NUBP1: variants seen among roughly 807,000 people sequenced by gnomAD.
NUBP1 encodes NUBP iron-sulfur cluster assembly factor 1, cytosolic.
A neutral mutation model predicts 41.8 loss-of-function variants in NUBP1; 46 were observed. That is an observed-to-expected ratio of 1.10 (90% CI 0.87 to 1.41). The LOEUF (loss-of-function observed/expected upper bound fraction) is 1.41. NUBP1 is among the 40% of genes most tolerant of loss of function. The probability of loss-of-function intolerance (pLI) is 0.00; values close to 1 mark genes in which losing one functional copy is unlikely to be tolerated. For synonymous variants in NUBP1, 189 were observed against 154.6 expected, an observed-to-expected ratio of 1.22 and a Z score of -1.65; for missense variants, 494 against 414.0, an observed-to-expected ratio of 1.19 and a Z score of -1.68.
Position 10,768,555 on chromosome 16 carries a change from C to A in NUBP1, c.905-492C>A. On this transcript the variant is annotated intron_variant, in intron 10 of 10. Coordinates refer to ENST00000283027, the MANE Select transcript of NUBP1 (RefSeq NM_002484.4). This position sits in a 1 kb window ranked among gnomAD's most constrained non-coding sequence, Gnocchi z 4.3. ...CTGGGAGGCGGAGGCTGCAGTAAGG[C>A]GAGATCGCGCCACTGCACTCCAGCC... 1 of 157,090 alleles carries A rather than the reference C, an allele frequency of 6.4e-6. No homozygotes were observed. The highest frequency in any genetic ancestry group is 1.4e-5 in the Non-Finnish European group (1 of 71,406). The allele number at this position is 157,090 out of a possible 1,614,324, so 9.7% of individuals were successfully genotyped here.
chr16:10,747,000 C>G (rs1900091767), intron 2 of NUBP1, 143 bp from the exon 3 acceptor site: 1 of 882,458 alleles, frequency 1.1e-6, no homozygotes, highest in Non-Finnish European at 1.8e-6. Flanking sequence ...CTACCATTGT[C>G]TGAGAGGTAT....
chr16:10,750,442 A>G (rs1900267810), intron 3 of NUBP1, among the ~76,000 whole-genome samples: 1 of 152,240 alleles, frequency 6.6e-6, no homozygotes, highest in South Asian at 2.1e-4. Flanking sequence ...GGGTTTCACT[A>G]TGTTTGCCAG....
Position 10,755,766 on chromosome 16 carries a change from C to T in NUBP1, c.360+13C>T, listed in dbSNP as rs760009976. On this transcript the variant is annotated intron_variant, in intron 5 of 10. Coordinates refer to ENST00000283027, the MANE Select transcript of NUBP1 (RefSeq NM_002484.4). Reference sequence around the variant, plus strand: ...CTGGTCTCCAGTGGTGAGTTTTCACCTCTTTGCCCTATTTTCACAGTAGTG... The same window carrying T: ...CTGGTCTCCAGTGGTGAGTTTTCACTTCTTTGCCCTATTTTCACAGTAGTG... The T allele has an allele frequency of 2.5e-6, 4 of 1,613,566 alleles. No individual in the cohort carries two copies. Among genetic ancestry groups the T allele is most frequent in the African/African-American group, 1.3e-5 (1 of 74,914 alleles).
At chr16:10,750,607 T>A (rs1198065304) in intron 3 of NUBP1, among the ~76,000 whole-genome samples, 3 of 152,152 alleles carry the variant, frequency 2.0e-5, no homozygotes, top group Non-Finnish European at 2.9e-5. Flanking sequence ...AGGTCAGCAC[T>A]AGGTGTTTCA....
At position 10,744,082 on chromosome 16, in the gene NUBP1, G is replaced by T. The variant is rs535050571; in HGVS notation, c.124+17G>T. On this transcript the variant is annotated intron_variant, in intron 2 of 10. Transcript: ENST00000283027. ...CGGACACGGGTGAGAAAAGGGCAAG[G>T]CCTCAACAGGAACTTAGAGGCGCAG... 2 of 1,546,286 alleles carry T rather than the reference G, an allele frequency of 1.3e-6. No individual in the cohort carries two copies. Among genetic ancestry groups the T allele is most frequent in the Admixed American group, 2.1e-5 (1 of 46,962 alleles).
chr16:10,746,968 A>T (rs1368163575), intron 2 of NUBP1, among the ~76,000 whole-genome samples, 175 bp from the exon 3 acceptor site: 1 of 152,112 alleles, frequency 6.6e-6, no homozygotes, highest in East Asian at 1.9e-4. Flanking sequence ...TAATAGCCTT[A>T]TTTTCTTCCT....
rs769953371 is a variant in NUBP1, at chr16:10,757,849, T to C, written c.452-24T>C. 1 of 1,602,710 alleles carries C rather than the reference T, an allele frequency of 6.2e-7. No individual in the cohort carries two copies. Among genetic ancestry groups the C allele is most frequent in the South Asian group, 1.1e-5 (1 of 90,830 alleles). On this transcript the variant is annotated intron_variant, in intron 6 of 10. Coordinates refer to ENST00000283027, the MANE Select transcript of NUBP1 (RefSeq NM_002484.4). This position sits in a 1 kb window ranked among gnomAD's most constrained non-coding sequence, Gnocchi z 4.1. ...ACAGAAAAGAAAGGAAAAGTAAGCA[T>C]CCCCTGTGGATTCCTCTTTCTAGGC...
intron 5 of NUBP1, 91 bp from the exon 6 acceptor site, chr16:10,756,599 C>T: frequency 1.1e-6 from 1 of 872,670 alleles, no homozygotes; most frequent in Admixed American, 3.2e-5. Flanking sequence ...ATGTTTTTTT[C>T]AGTCAGAGCT....
At position 10,761,395 on chromosome 16, in the gene NUBP1, T is replaced by G. The variant is rs1555474213; in HGVS notation, c.638T>G (p.Ile213Ser). ...TCACTCCAGGATGTCCGGAAAGAAA[T>G]CAACTTCTGCCGCAAGGTGAAGCTG... ...EVSLQDVRKEINFCRKVKLPI... is the reference protein window; with the variant it reads ...EVSLQDVRKESNFCRKVKLPI... Residue 213 changes from isoleucine to serine, a missense_variant, in exon 8 of 11, where the codon ATC (isoleucine) becomes AGC (serine). Coordinates refer to ENST00000283027, the MANE Select transcript of NUBP1 (RefSeq NM_002484.4). 1.9e-6 allele frequency: 3 copies of G among 1,614,098 alleles called. No individual in the cohort carries two copies. The highest frequency in any genetic ancestry group is 2.2e-5 in the South Asian group (2 of 91,080).
In NUBP1 at chr16:10,767,001, C is replaced by T. The variant is rs2030978980; in HGVS notation, c.821-948C>T. The stretch of plus-strand genomic sequence containing the variant: ...ACCAACCCCTCCCCACAGGCTTCTT[C>T]CCCGACTTGGACTTCCCTGTCCCAC... On this transcript the variant is annotated intron_variant, in intron 9 of 10. Coordinates refer to ENST00000283027, the MANE Select transcript of NUBP1 (RefSeq NM_002484.4). This position sits in a 1 kb window ranked among gnomAD's most constrained non-coding sequence, Gnocchi z 4.6. The T allele has an allele frequency of 2.5e-6, 1 of 398,648 alleles. No individual in the cohort carries two copies. Among genetic ancestry groups the T allele is most frequent in the African/African-American group, 2.1e-5 (1 of 48,610 alleles). 24.7% of individuals were successfully genotyped at this position (398,648 alleles called of 1,614,324 possible). A position where few individuals can be genotyped will look rare whatever the true frequency, so the allele number is the denominator to read the frequency against.
rs759822437 is a variant in NUBP1 at position 10,744,065 on chromosome 16, G to T, written c.124G>T (p.Ala42Ser). The T allele has an allele frequency of 1.4e-5, 22 of 1,575,806 alleles. No homozygotes were observed. Among genetic ancestry groups the T allele is most frequent in the Non-Finnish European group, 1.9e-5 (22 of 1,166,406 alleles). Residue 42 changes from alanine (A) to serine (S), a missense_variant and splice_region_variant, in exon 2 of 11, where the codon GCT becomes TCT. Ala to Ser is a moderately conservative substitution (Grantham distance 99, BLOSUM62 1). Coordinates refer to ENST00000283027, the MANE Select transcript of NUBP1 (RefSeq NM_002484.4). ...TGGAGCGGGGGCCACTCCGGACACG[G>T]GTGAGAAAAGGGCAAGGCCTCAACA... The part of the protein sequence containing the change: ...ASGAGATPDT[A>S]IEEIKEKMKT...
At chr16:10,753,791 A>G (rs1900430164) in intron 4 of NUBP1, among the ~76,000 whole-genome samples, 1 of 151,534 alleles carries the variant, frequency 6.6e-6, no homozygotes, top group African/African-American at 2.4e-5. Flanking sequence ...ACAGGAGGGG[A>G]GAGCTGGGGG....
intron 9 of NUBP1, among the ~76,000 whole-genome samples, chr16:10,762,762 GGGGCCGGGC>G (rs1419150830): frequency 6.6e-6 from 1 of 151,622 alleles, no homozygotes; most frequent in Admixed American, 6.6e-5. Context: ...ACAGGAGAGA[GGGGCCGGGC>G]GGGTGAAGTA....
At position 10,756,699 on chromosome 16, in the gene NUBP1, G is replaced by T; in HGVS notation, c.370G>T (p.Asp124Tyr). Residue 124 changes from aspartate to tyrosine, a missense_variant, in exon 6 of 11, where the codon GAC becomes TAC. Asp to Tyr is a radical substitution (Grantham distance 160). Coordinates refer to ENST00000283027, the MANE Select transcript of NUBP1 (RefSeq NM_002484.4). ...CCTGTTCCCTCTGCAGTACGTGGAA[G>T]ACAACCTGGGGGTGATGTCAGTGGG... Reference protein sequence around the residue: ...GSGWSPVYVEDNLGVMSVGFL... With the variant: ...GSGWSPVYVEYNLGVMSVGFL... 1.3e-6 allele frequency: 2 copies of T among 1,567,446 alleles called. No homozygotes were observed. The highest frequency in any genetic ancestry group is 1.7e-6 in the Non-Finnish European group (2 of 1,162,596).
At chr16:10,764,337 C>A (rs1351451627) in intron 9 of NUBP1, among the ~76,000 whole-genome samples, 1 of 151,604 alleles carries the variant, frequency 6.6e-6, no homozygotes, top group Admixed American at 6.6e-5. Context: ...TGGAGTGTGG[C>A]AGTCTATTGG....
chr16:10,766,727 G>A lies in NUBP1; in HGVS notation c.821-1222G>A. The stretch of plus-strand genomic sequence containing the variant: ...AAAATGAAAGTCAACTCCACGGTGT[G>A]GGAGGAGAACGGGCCTGAGAATAGG... On this transcript the variant is annotated intron_variant, in intron 9 of 10. Transcript: ENST00000283027. The surrounding 1 kb of genome is among the most constrained non-coding windows in gnomAD (Gnocchi z 4.8). 5.1e-6 allele frequency: 2 copies of A among 392,136 alleles called. No homozygotes were observed. Among genetic ancestry groups the A allele is most frequent in the Non-Finnish European group, 9.0e-6 (2 of 222,460 alleles). The allele number at this position is 392,136 out of a possible 1,614,324, so 24.3% of individuals were successfully genotyped here. A position where few individuals can be genotyped will look rare whatever the true frequency, so the allele number is the denominator to read the frequency against.
intron 4 of NUBP1, among the ~76,000 whole-genome samples, chr16:10,753,296 T>TGCAGAAG (rs1900407083): frequency 6.6e-6 from 1 of 152,064 alleles, no homozygotes; most frequent in Admixed American, 6.5e-5. Flanking sequence ...GACACGGAAA[T>TGCAGAAG]TTAGCTCTGA....
At position 10,752,641 on chromosome 16, in the gene NUBP1, C is replaced by A; in HGVS notation, c.290C>A (p.Pro97Gln). 6.2e-7 allele frequency: 1 copy of A among 1,613,852 alleles called. No individual in the cohort carries two copies. The highest frequency in any genetic ancestry group is 1.1e-5 in the South Asian group (1 of 91,072). ...IALLDIDICG[P>Q]SIPKIMGLEG... ...CTTCTAGACATCGATATATGTGGGC[C>A]ATCGATTCCCAAGATAATGGGATTG... The change falls in exon 4 of 11, where the codon CCA becomes CAA. Residue 97 changes from proline (P) to glutamine (Q), a missense_variant. Pro to Gln is a moderately conservative substitution (Grantham distance 76). Transcript: ENST00000283027.
intron 3 of NUBP1, among the ~76,000 whole-genome samples, chr16:10,747,730 C>T (rs772008972): frequency 4.6e-5 from 7 of 152,220 alleles, no homozygotes; most frequent in Non-Finnish European, 7.3e-5. Flanking sequence ...TCAAATGAAG[C>T]ATTTCACTGG....
Sources: allele counts gnomAD v4.1 joint callset (sites outside exome capture counted in the v4.1 genomes callset), GRCh38; gene constraint gnomAD v4.1.1; non-coding constraint Gnocchi (gnomAD v3.1); transcripts MANE v1.5; gene names NCBI Gene and HGNC (gene_info 2026-07-23, HGNC 2026-07-21).